The following SLC16A14 variants were observed in gnomAD, a reference collection of about 807,000 sequenced individuals.
SLC16A14 encodes monocarboxylate transporter 14.
Under a neutral mutation model 35.8 loss-of-function variants are expected in SLC16A14, and 14 were observed. That is an observed-to-expected ratio of 0.39 (90% CI 0.26 to 0.61). The LOEUF (loss-of-function observed/expected upper bound fraction) is 0.61, where lower values mean the gene tolerates loss of function less well. SLC16A14 is among the 20% of genes least tolerant of loss of function. SLC16A14 has a pLI of 0.51. For synonymous variants in SLC16A14, 248 were observed against 258.9 expected, an observed-to-expected ratio of 0.96 and a Z score of 0.40; for missense variants, 533 against 655.0, an observed-to-expected ratio of 0.81 and a Z score of 2.03.
chr2:230,038,102 C>T lies in SLC16A14; in HGVS notation c.1382-571G>A, dbSNP rs1254530166. ...GTTATAAAATTCACATTTACAGTCACAAAACTTTAATATTTACATTTATAA... is the reference window on the plus strand; with the variant it reads ...GTTATAAAATTCACATTTACAGTCATAAAACTTTAATATTTACATTTATAA... On this transcript the variant is annotated intron_variant, in intron 4 of 4. Transcript: ENST00000295190. This position sits in a 1 kb window ranked among gnomAD's most constrained non-coding sequence, Gnocchi z 4.4. Among the ~76,000 whole-genome samples, 1 of 152,132 alleles carries T rather than the reference C, an allele frequency of 6.6e-6. No individual in the cohort carries two copies. The highest frequency in any genetic ancestry group is 1.5e-5 in the Non-Finnish European group (1 of 68,036).
At position 230,049,841 on chromosome 2, in the gene SLC16A14, A is replaced by T; in HGVS notation, c.323T>A (p.Leu108His). ...GCRQTAIIGG[L>H]VNSLGWVLSA... The stretch of plus-strand genomic sequence containing the variant: ...CAACACCCAGCCCAGGGAGTTGACG[A>T]GCCCTCCAATGATCGCAGTCTGGCG... The change falls in exon 3 of 5, where the codon CTC becomes CAC. Residue 108 changes from leucine (L) to histidine (H), a missense_variant. Leu to His is a moderately conservative substitution (Grantham distance 99). Transcript: ENST00000295190. 6.2e-7 allele frequency: 1 copy of T among 1,614,206 alleles called. No homozygotes were observed. Among genetic ancestry groups the T allele is most frequent in the South Asian group, 1.1e-5 (1 of 91,084 alleles).
intron 4 of SLC16A14, 79 bp downstream of exon 4, chr2:230,045,663 CCTT>C (rs776257893): frequency 2.2e-5 from 32 of 1,479,202 alleles, no homozygotes; most frequent in Admixed American, 1.5e-4. Flanking sequence ...CAAATGGAAA[CCTT>C]CTTCTTTATC....
At chr2:230,044,444 C>T (rs921642431) in intron 4 of SLC16A14, among the ~76,000 whole-genome samples, 1 of 147,662 alleles carries the variant, frequency 6.8e-6, no homozygotes, top group Non-Finnish European at 1.5e-5. Flanking sequence ...CGCCACTGCA[C>T]TCCAGCTTGG....
rs2077697013 is a variant in SLC16A14, at chr2:230,055,432, GTGTTA to G, written c.259+3657_259+3661del. 2.6e-5 allele frequency among the ~76,000 whole-genome samples: 4 copies of G among 152,294 alleles called. No individual in the cohort carries two copies. In the South Asian group the frequency reaches 8.3e-4, roughly 32 times the overall value. ...CATTTATATAACTATGAGGCCTGCT[GTGTTA>G]TGTTATGATTTCTGAAACTCAGCAA... is the stretch of plus-strand genomic sequence containing the variant. On this transcript the variant is annotated intron_variant, in intron 2 of 4. Transcript: ENST00000295190.
intron 1 of SLC16A14, among the ~76,000 whole-genome samples, chr2:230,061,526 C>G (rs2077751942): frequency 6.6e-6 from 1 of 152,280 alleles, no homozygotes; most frequent in African/African-American, 2.4e-5. Flanking sequence ...CCGCCTTTCT[C>G]AGAACACTCT....
chr2:230,056,525 G>GGATT (rs1274757613), intron 2 of SLC16A14, among the ~76,000 whole-genome samples: 1 of 151,902 alleles, frequency 6.6e-6, no homozygotes, highest in Non-Finnish European at 1.5e-5. Context: ...CGAAGTGCTG[G>GGATT]GATTATAGAC....
chr2:230,048,935 A>AAC (rs1553819284), intron 3 of SLC16A14, among the ~76,000 whole-genome samples: 25 of 131,920 alleles, frequency 1.9e-4, no homozygotes, highest in South Asian at 2.5e-4. Flanking sequence ...AAAAAAAAAA[A>AAC]AAAAAAAAAA....
chr2:230,040,830 A>C lies in SLC16A14; in HGVS notation c.1382-3299T>G, dbSNP rs78244812. On this transcript the variant is annotated intron_variant, in intron 4 of 4. Transcript: ENST00000295190. ...TAATATTTCTGCTAGTTTAAATTCAAACCCAGTCGGATGTAAAGCAGGTCA... is the reference window on the plus strand; with the variant it reads ...TAATATTTCTGCTAGTTTAAATTCACACCCAGTCGGATGTAAAGCAGGTCA... Among the ~76,000 whole-genome samples, 28 of 152,250 alleles carry C rather than the reference A, an allele frequency of 1.8e-4. No homozygotes were observed. The East Asian group carries it at 5.4e-3, about 29-fold the overall frequency.
intron 4 of SLC16A14, among the ~76,000 whole-genome samples, chr2:230,039,111 C>G (rs1478245984): frequency 1.3e-5 from 2 of 151,346 alleles, no homozygotes; most frequent in Admixed American, 6.6e-5. Context: ...TTATCTGTAT[C>G]TCTTTGTTTA....
At chr2:230,052,389 C>T (rs182560066) in intron 2 of SLC16A14, among the ~76,000 whole-genome samples, 26 of 152,188 alleles carry the variant, frequency 1.7e-4, no homozygotes, top group Non-Finnish European at 3.2e-4. Context: ...GATTTCTTTA[C>T]ACATTTTTAT....
At chr2:230,043,058 G>A (rs1013112019) in intron 4 of SLC16A14, among the ~76,000 whole-genome samples, 24 of 152,172 alleles carry the variant, frequency 1.6e-4, no homozygotes, top group African/African-American at 2.7e-4. Context: ...AATCAAATGC[G>A]TTCTGACCTG....
intron 4 of SLC16A14, 44 bp from the exon 5 acceptor site, chr2:230,037,575 C>T (rs771344884): frequency 6.8e-7 from 1 of 1,472,624 alleles, no homozygotes; most frequent in Admixed American, 2.3e-5. Context: ...GGAGTTGATA[C>T]AATGAAAGTG....
chr2:230,063,276 G>A (rs2077765447), intron 1 of SLC16A14, among the ~76,000 whole-genome samples: 1 of 116,128 alleles, frequency 8.6e-6, no homozygotes, highest in African/African-American at 3.3e-5. Flanking sequence ...GGGTTAAAGA[G>A]CGAAACTCTG....
chr2:230,042,175 TACA>T (rs778113442), intron 4 of SLC16A14, among the ~76,000 whole-genome samples: 3 of 152,214 alleles, frequency 2.0e-5, no homozygotes, highest in African/African-American at 7.2e-5. Flanking sequence ...CAACCATTAA[TACA>T]ACGATTTCTA....
chr2:230,058,972 T>C (rs777986688), intron 2 of SLC16A14, 122 bp downstream of exon 2: 34 of 1,470,144 alleles, frequency 2.3e-5, no homozygotes, highest in South Asian at 1.2e-4. Flanking sequence ...TTTATCACAA[T>C]TGAAAAATAG....
intron 2 of SLC16A14, among the ~76,000 whole-genome samples, chr2:230,054,308 G>GA: frequency 6.6e-6 from 1 of 152,170 alleles, no homozygotes; most frequent in South Asian, 2.1e-4. Context: ...TCTGCCAAAA[G>GA]AAAAAAATTA....
In SLC16A14 at chr2:230,046,183, T is replaced by C. The variant is rs1449799850; in HGVS notation, c.943A>G (p.Met315Val). The C allele has an allele frequency of 7.4e-6, 12 of 1,614,028 alleles. No homozygotes were observed. The highest frequency in any genetic ancestry group is 1.3e-5 in the African/African-American group (1 of 74,928). The change falls in exon 4 of 5, where the codon ATG becomes GTG. Residue 315 changes from methionine (M) to valine (V), a missense_variant. Met to Val is a conservative substitution (Grantham distance 21). Coordinates refer to ENST00000295190, the MANE Select transcript of SLC16A14 (RefSeq NM_152527.5). This position sits in a 1 kb window ranked among gnomAD's most constrained non-coding sequence, Gnocchi z 5.0. ...GCCCAGAAAATAAAGGCTACAAACA[T>C]TCGATTTGTAAATAGAGAGGCTGTC... ...FGTASLFTNR[M>V]FVAFIFWALF...
rs746764902 is a variant in SLC16A14 at position 230,049,921 on chromosome 2, G to T, written c.260-17C>A. ...TGAAAGGGCCTGTCACAGAGCATTG[G>T]AAAAGGAATTGACTAAAGGTGCTTC... is the stretch of plus-strand genomic sequence containing the variant. On this transcript the variant is annotated splice_polypyrimidine_tract_variant and intron_variant, in intron 2 of 4. Transcript: ENST00000295190. 1.2e-6 allele frequency: 2 copies of T among 1,611,294 alleles called. No homozygotes were observed. The highest frequency in any genetic ancestry group is 1.7e-6 in the Non-Finnish European group (2 of 1,178,166).
At chr2:230,047,676 G>A (rs1356678465) in intron 3 of SLC16A14, among the ~76,000 whole-genome samples, 1 of 152,200 alleles carries the variant, frequency 6.6e-6, no homozygotes, top group Non-Finnish European at 1.5e-5. Context: ...ACAATATGGT[G>A]ACTGTAGTTA....
Sources: allele counts gnomAD v4.1 joint callset (sites outside exome capture counted in the v4.1 genomes callset), GRCh38; gene constraint gnomAD v4.1.1; non-coding constraint Gnocchi (gnomAD v3.1); transcripts MANE v1.5; gene names NCBI Gene and HGNC (gene_info 2026-07-23, HGNC 2026-07-21).